The following PDE7A variants were observed in gnomAD, a reference collection of about 807,000 sequenced individuals.
The protein encoded by PDE7A is high affinity 3',5'-cyclic-AMP phosphodiesterase 7A.
In PDE7A, 39 loss-of-function variants were observed where a neutral mutation model predicts 64.3. That is an observed-to-expected ratio of 0.61 (90% CI 0.47 to 0.79). The LOEUF (loss-of-function observed/expected upper bound fraction) is 0.79. Among genes scored for constraint, PDE7A ranks in the 30% least tolerant of loss-of-function variants. The pLI is 0.00. For synonymous variants in PDE7A, 203 were observed against 206.8 expected, an observed-to-expected ratio of 0.98 and a Z score of 0.16; for missense variants, 470 against 582.8, an observed-to-expected ratio of 0.81 and a Z score of 1.99.
chr8:65,785,337 ATAAAAT>A (rs1367064349), intron 1 of PDE7A, among the ~76,000 whole-genome samples: 3 of 152,224 alleles, frequency 2.0e-5, no homozygotes, highest in Middle Eastern at 3.2e-3. Flanking sequence ...CACAAAATAA[ATAAAAT>A]TAAAATTGAA....
chr8:65,772,278 CTA>C (rs1809120669), intron 3 of PDE7A, among the ~76,000 whole-genome samples: 1 of 152,152 alleles, frequency 6.6e-6, no homozygotes, highest in African/African-American at 2.4e-5. Flanking sequence ...CACCTAGAAA[CTA>C]TTTTTATTTC....
chr8:65,826,798 C>A (rs1248170305), intron 1 of PDE7A, among the ~76,000 whole-genome samples: 8 of 152,100 alleles, frequency 5.3e-5, no homozygotes, highest in Non-Finnish European at 1.0e-4. Flanking sequence ...GGCTGAAGGT[C>A]CAAAATCAAG....
intron 1 of PDE7A, among the ~76,000 whole-genome samples, chr8:65,832,541 G>A (rs1810856785): frequency 6.6e-6 from 1 of 152,158 alleles, no homozygotes; most frequent in Admixed American, 6.5e-5. Flanking sequence ...CTGCAGTGTA[G>A]TAGCACGATC....
At chr8:65,756,851 T>A (rs1808260553) in intron 3 of PDE7A, among the ~76,000 whole-genome samples, 2 of 152,154 alleles carry the variant, frequency 1.3e-5, no homozygotes, top group South Asian at 4.1e-4. Context: ...AGTTTTACAC[T>A]GGGGAAGCTC....
intron 3 of PDE7A, among the ~76,000 whole-genome samples, chr8:65,770,121 CTGTGTGTGTG>C (rs10608556): frequency 0.2 from 29,216 of 146,474 alleles, 2,870 homozygotes; most frequent in Middle Eastern, 0.23. Flanking sequence ...CAGTATACTT[CTGTGTGTGTG>C]TGTGTGTGTG....
intron 1 of PDE7A, among the ~76,000 whole-genome samples, chr8:65,839,609 T>C (rs1811028967): frequency 6.6e-6 from 1 of 152,224 alleles, no homozygotes; most frequent in Non-Finnish European, 1.5e-5. Flanking sequence ...CCTGTATACT[T>C]CACTTTGGGG....
chr8:65,767,846 G>A (rs1052946814), intron 3 of PDE7A, among the ~76,000 whole-genome samples: 2 of 152,182 alleles, frequency 1.3e-5, no homozygotes, highest in Non-Finnish European at 2.9e-5. Context: ...GTGTTTCCCT[G>A]AATTCTGTGA....
At chr8:65,743,001 C>T (rs1427279103) in intron 5 of PDE7A, among the ~76,000 whole-genome samples, 2 of 152,194 alleles carry the variant, frequency 1.3e-5, no homozygotes, top group Non-Finnish European at 2.9e-5. Flanking sequence ...GAGCTCACGC[C>T]GCTTTCATCA....
At chr8:65,820,965 T>A (rs986415618) in intron 1 of PDE7A, among the ~76,000 whole-genome samples, 1 of 152,132 alleles carries the variant, frequency 6.6e-6, no homozygotes, top group African/African-American at 2.4e-5. Flanking sequence ...ATTTAAGAAA[T>A]TTTTATCCTA....
intron 1 of PDE7A, among the ~76,000 whole-genome samples, chr8:65,839,977 A>C (rs1186915527): frequency 2.6e-5 from 4 of 152,216 alleles, no homozygotes; most frequent in South Asian, 4.1e-4. Flanking sequence ...TGCTGATCTG[A>C]GGAAGTAAAA....
chr8:65,768,905 G>A (rs1231086911), intron 3 of PDE7A, among the ~76,000 whole-genome samples: 2 of 152,158 alleles, frequency 1.3e-5, no homozygotes, highest in African/African-American at 2.4e-5. Context: ...TTTAGTGACA[G>A]ATGCTATCTG....
At chr8:65,810,075 T>C (rs139739439) in intron 1 of PDE7A, among the ~76,000 whole-genome samples, 8,699 of 152,176 alleles carry the variant, frequency 0.057, 356 homozygotes, top group Middle Eastern at 0.11. Flanking sequence ...CTATTGACAA[T>C]AGCAAAGACT....
rs527784374 is a variant in PDE7A, at chr8:65,785,088, T to G, written c.139-2245A>C. ...CCCAAAACATTAAGTTATTATATCC[T>G]TAATGCTTATCTTTTAAGAGAAAAA... is the stretch of plus-strand genomic sequence containing the variant. On this transcript the variant is annotated intron_variant, in intron 1 of 12. Coordinates refer to ENST00000401827, the MANE Select transcript of PDE7A (RefSeq NM_001242318.3). Among the ~76,000 whole-genome samples the G allele has an allele frequency of 2.6e-5, 4 of 152,292 alleles. No individual in the cohort carries two copies. The South Asian group carries it at 8.3e-4, about 32-fold the overall frequency.
At chr8:65,744,124 C>T (rs1306972939) in intron 5 of PDE7A, among the ~76,000 whole-genome samples, 4 of 152,092 alleles carry the variant, frequency 2.6e-5, no homozygotes, top group African/African-American at 7.2e-5. Flanking sequence ...TGAGCCACCA[C>T]GCCCAGCCTA....
chr8:65,840,588 T>C (rs763768002), intron 1 of PDE7A, among the ~76,000 whole-genome samples: 1 of 152,220 alleles, frequency 6.6e-6, no homozygotes, highest in Non-Finnish European at 1.5e-5. Context: ...GTAAACAAAA[T>C]TCTTTTCACC....
At chr8:65,825,799 T>C (rs1465246062) in intron 1 of PDE7A, among the ~76,000 whole-genome samples, 1 of 152,146 alleles carries the variant, frequency 6.6e-6, no homozygotes, top group Non-Finnish European at 1.5e-5. Flanking sequence ...GACACAGTAG[T>C]GAATAGGGTA....
In PDE7A at chr8:65,716,555, G is replaced by C. The variant is rs1806152270; in HGVS notation, c.*2735C>G. ...GTCTTCTGTGCACCCAAAGGGACAT[G>C]GGTGCACGAGGCAACTTGCTTCCCT... On this transcript the variant is annotated 3_prime_UTR_variant, in exon 13 of 13. Transcript: ENST00000401827. Among the ~76,000 whole-genome samples the C allele has an allele frequency of 6.6e-6, 1 of 152,142 alleles. No homozygotes were observed. Among genetic ancestry groups the C allele is most frequent in the South Asian group, 2.1e-4 (1 of 4,830 alleles).
chr8:65,747,634 TAAAA>T lies in PDE7A; in HGVS notation c.435+14_435+17del, dbSNP rs529267967. The T allele has an allele frequency of 4.5e-6, 7 of 1,545,722 alleles. 1 individual carries two copies. The highest frequency in any genetic ancestry group is 3.6e-5 in the South Asian group (3 of 83,668). On this transcript the variant is annotated intron_variant, in intron 4 of 12. Coordinates refer to ENST00000401827, the MANE Select transcript of PDE7A (RefSeq NM_001242318.3). ...ACTTATCAAAAAATTAATGTTTTCT[TAAAA>T]AAACTATACACACCTTGGCTTGTCC...
In PDE7A at chr8:65,715,996, C is replaced by CAA. The variant is rs779701295; in HGVS notation, c.*3292_*3293dup. ...TGGGCGACAGAGCAAGGCTCTGTCTCAAAAAAAAAAAAAAAAAAAAAAAAA... is the reference window on the plus strand; with the variant it reads ...TGGGCGACAGAGCAAGGCTCTGTCTCAAAAAAAAAAAAAAAAAAAAAAAAAAA... On this transcript the variant is annotated 3_prime_UTR_variant, in exon 13 of 13. Coordinates refer to ENST00000401827, the MANE Select transcript of PDE7A (RefSeq NM_001242318.3). 0.016 allele frequency among the ~76,000 whole-genome samples: 550 copies of CAA among 33,874 alleles called. 34 individuals are homozygous for CAA. Among genetic ancestry groups the CAA allele is most frequent in the South Asian group, 0.044 (19 of 430 alleles). The allele number at this position is 33,874 out of a possible 152,430, so 22.2% of individuals were successfully genotyped here.
Sources: gnomAD v4.1 joint callset for allele counts (sites outside exome capture counted in the v4.1 genomes callset) on GRCh38, gnomAD v4.1.1 for gene constraint, MANE v1.5 for transcripts, NCBI Gene and HGNC (gene_info 2026-07-23, HGNC 2026-07-21) for gene names.